Variants in SEC14L3 observed in about 807,000 individuals in gnomAD.
The protein encoded by SEC14L3 is SEC14 like lipid binding 3.
Under a neutral mutation model 57.4 loss-of-function variants are expected in SEC14L3, and 56 were observed. The observed-to-expected ratio is 0.97, with a 90% CI of 0.79 to 1.22. SEC14L3 has a LOEUF of 1.22. Among genes scored for constraint, SEC14L3 ranks in the 50% most tolerant of loss-of-function variants. The pLI, the probability that SEC14L3 is intolerant of heterozygous loss-of-function variation, is 0.00. For missense variants in SEC14L3, 485 were observed against 511.7 expected (o/e 0.95, Z 0.50); for synonymous variants, 173 against 194.4 (o/e 0.89, Z 0.92).
chr22:30,454,905 AATATATTATTATATATTATATAATAG>A (rs1976634237), downstream of SEC14L3, among the ~76,000 whole-genome samples: 6 of 43,076 alleles, frequency 1.4e-4, no homozygotes, highest in Non-Finnish European at 1.8e-4. Flanking sequence ...ATAGATATAT[AATATATTATTATATATTATATAATAG>A]ATATATAATA....
intron 12 of SEC14L3, among the ~76,000 whole-genome samples, chr22:30,451,513 A>G (rs889440967): frequency 2.0e-5 from 3 of 152,168 alleles, no homozygotes; most frequent in African/African-American, 7.2e-5. Flanking sequence ...CAAAGACTAA[A>G]TTCTTGGACT....
chr22:30,463,747 A>G (rs1935336686), intron 8 of SEC14L3, among the ~76,000 whole-genome samples: 1 of 152,220 alleles, frequency 6.6e-6, no homozygotes, highest in Admixed American at 6.5e-5. Flanking sequence ...TTTGGGTTTA[A>G]GAACTATTTC....
At chr22:30,459,074 C>T (rs936567521), downstream of SEC14L3, among the ~76,000 whole-genome samples, 2 of 152,144 alleles carry the variant, frequency 1.3e-5, no homozygotes, top group Non-Finnish European at 2.9e-5. Context: ...CCTGGATCTG[C>T]CACCCAAGCT....
At chr22:30,450,037 T>C (rs1376432198) in intron 12 of SEC14L3, among the ~76,000 whole-genome samples, 1 of 152,210 alleles carries the variant, frequency 6.6e-6, no homozygotes, top group Non-Finnish European at 1.5e-5. Flanking sequence ...CCGCTACTGC[T>C]GTCCAGGTTC....
At chr22:30,450,180 G>T (rs1934953804) in intron 12 of SEC14L3, among the ~76,000 whole-genome samples, 1 of 152,200 alleles carries the variant, frequency 6.6e-6, no homozygotes, top group East Asian at 1.9e-4. Context: ...TGTTGAGGTA[G>T]CGGGGGCATG....
intron 8 of SEC14L3, among the ~76,000 whole-genome samples, chr22:30,462,740 CTT>C (rs201844599): frequency 0.4 from 56,620 of 142,392 alleles, 12,048 homozygotes; most frequent in South Asian, 0.57. Flanking sequence ...ATGGCACATT[CTT>C]TTTTTTTTTT....
intron 12 of SEC14L3, among the ~76,000 whole-genome samples, chr22:30,453,941 C>G (rs1428162630): frequency 1.3e-5 from 2 of 152,186 alleles, no homozygotes; most frequent in African/African-American, 4.8e-5. Flanking sequence ...GGCCTAGGCA[C>G]TAACAGAACT....
chr22:30,450,261 C>T (rs752561916), intron 12 of SEC14L3, among the ~76,000 whole-genome samples: 2 of 152,180 alleles, frequency 1.3e-5, no homozygotes, highest in South Asian at 2.1e-4. Context: ...ATCTGCTGGA[C>T]GAGGGTCTGG....
Position 30,459,940 on chromosome 22 carries a change from C to T in SEC14L3, c.*81G>A, listed in dbSNP as rs1272856735. 4 of 1,547,832 alleles carry T rather than the reference C, an allele frequency of 2.6e-6. No individual in the cohort carries two copies. Among genetic ancestry groups the T allele is most frequent in the African/African-American group, 2.7e-5 (2 of 73,246 alleles). Reference sequence around the variant, plus strand: ...TCACAGAGTCAGGAGGACTAACAATCAATTTCAGGGAGGGAGGGAGTGTAG... The same window carrying T: ...TCACAGAGTCAGGAGGACTAACAATTAATTTCAGGGAGGGAGGGAGTGTAG... On this transcript the variant is annotated 3_prime_UTR_variant, in exon 12 of 12. Transcript: ENST00000215812.
chr22:30,456,076 G>T (rs1314701857), downstream of SEC14L3, among the ~76,000 whole-genome samples: 3 of 152,268 alleles, frequency 2.0e-5, no homozygotes, highest in South Asian at 2.1e-4. Flanking sequence ...GGGAGGCCAA[G>T]GTGTGTGGAT....
intron 8 of SEC14L3, among the ~76,000 whole-genome samples, chr22:30,462,888 C>G (rs1040452565): frequency 2.0e-5 from 3 of 152,084 alleles, no homozygotes; most frequent in Non-Finnish European, 4.4e-5. Context: ...AGGTGCCCAC[C>G]ACCATGACTG....
intron 11 of SEC14L3, among the ~76,000 whole-genome samples, chr22:30,460,394 C>G (rs1463040621): frequency 6.6e-6 from 1 of 152,244 alleles, no homozygotes; most frequent in Non-Finnish European, 1.5e-5. Context: ...GTCATTACAT[C>G]CCATTGTCTC....
downstream of SEC14L3, among the ~76,000 whole-genome samples, chr22:30,456,988 C>G (rs1230588138): frequency 6.6e-6 from 1 of 152,144 alleles, no homozygotes; most frequent in Admixed American, 6.5e-5. Context: ...TGGTGCAAGT[C>G]CCCTCCACTC....
At chr22:30,469,000 C>G in intron 4 of SEC14L3, 10 of 1,397,048 alleles carry the variant, frequency 7.2e-6, no homozygotes, top group Non-Finnish European at 9.3e-6. Flanking sequence ...AACACAGATT[C>G]TGAAGGTTAA....
At position 30,470,201 on chromosome 22, in the gene SEC14L3, A is replaced by G. The variant is rs779615608; in HGVS notation, c.174+11T>C. On this transcript the variant is annotated intron_variant, in intron 3 of 11. Coordinates refer to ENST00000215812, the MANE Select transcript of SEC14L3 (RefSeq NM_174975.5). ...TCCCCTCCATAAATTTCCAGAGTGG[A>G]TAGGTCTCACCTTGCGGAGCAAAGC... 1.7e-5 allele frequency: 27 copies of G among 1,614,010 alleles called. No homozygotes were observed. The highest frequency in any genetic ancestry group is 2.2e-5 in the Non-Finnish European group (26 of 1,180,022).
rs1319353263 is a variant in SEC14L3 at position 30,449,199 on chromosome 22, A to G, written c.950T>C (p.Ile317Thr). 16 of 1,550,462 alleles carry G rather than the reference A, an allele frequency of 1.0e-5. No homozygotes were observed. The Admixed American group carries it at 3.1e-4, about 30-fold the overall frequency. The change falls in exon 13 of 13, where the codon ATT (isoleucine) becomes ACT (threonine). Residue 317 changes from isoleucine to threonine, a missense_variant. Ile to Thr is a moderately conservative substitution (Grantham distance 89, BLOSUM62 -1). Coordinates refer to the SEC14L3 transcript ENST00000403066. ...GTTCTGTAGCTCATGGCTGCATATA[A>G]TCACGGGCAGATGACAGCAAGACTT... is the stretch of plus-strand genomic sequence containing the variant.
At chr22:30,455,098 A>ATATACAT (rs1935088700), downstream of SEC14L3, among the ~76,000 whole-genome samples, 1 of 34,332 alleles carries the variant, frequency 2.9e-5, no homozygotes, top group African/African-American at 1.8e-4. Context: ...TTAATATATA[A>ATATACAT]TATATTTAAT....
At position 30,462,298 on chromosome 22, in the gene SEC14L3, T is replaced by C. The variant is rs566846417; in HGVS notation, c.665-106A>G. On this transcript the variant is annotated intron_variant, in intron 8 of 11. Transcript: ENST00000215812. Reference sequence around the variant, plus strand: ...ACTGGGGGAGAAGCCCTATAGGAGGTAGGCTGCCAGGACCAATTCCCCAGT... The same window carrying C: ...ACTGGGGGAGAAGCCCTATAGGAGGCAGGCTGCCAGGACCAATTCCCCAGT... 17 of 1,460,244 alleles carry C rather than the reference T, an allele frequency of 1.2e-5. No individual in the cohort carries two copies. The South Asian group carries it at 1.7e-4, about 15-fold the overall frequency. 90.5% of individuals were successfully genotyped at this position (1,460,244 alleles called of 1,614,324 possible). A position where few individuals can be genotyped will look rare whatever the true frequency, so the allele number is the denominator to read the frequency against.
intron 4 of SEC14L3, among the ~76,000 whole-genome samples, chr22:30,469,155 C>T (rs1421423295): frequency 2.0e-5 from 3 of 151,934 alleles, no homozygotes; most frequent in Non-Finnish European, 4.4e-5. Flanking sequence ...CCTGTCCCTA[C>T]AAAAATAAAA....
Sources: gnomAD v4.1 joint callset for allele counts (sites outside exome capture counted in the v4.1 genomes callset) on GRCh38, gnomAD v4.1.1 for gene constraint, MANE v1.5 for transcripts, NCBI Gene and HGNC (gene_info 2026-07-23, HGNC 2026-07-21) for gene names.